HMSD: variants seen among roughly 807,000 people sequenced by gnomAD.
HMSD encodes serpin-like protein HMSD.
In HMSD, 13 loss-of-function variants were observed where a neutral mutation model predicts 10.0. The observed-to-expected ratio is 1.31, with a 90% confidence interval of 0.85 to 2.08. HMSD has a LOEUF of 2.08. Among genes scored for constraint, HMSD ranks in the 30% most tolerant of loss-of-function variants. HMSD has a pLI of 0.00. For synonymous variants in HMSD, 51 were observed against 54.2 expected (o/e 0.94, Z 0.26); for missense variants, 169 against 166.3 (o/e 1.02, Z -0.09).
chr18:63,954,792 C>T (rs555748551), intron 3 of HMSD, among the ~76,000 whole-genome samples: 6 of 152,276 alleles, frequency 3.9e-5, no homozygotes, highest in Non-Finnish European at 8.8e-5. Flanking sequence ...TGACACAGAG[C>T]GTAACACAGT....
chr18:63,958,044 T>C (rs1250035852), intron 3 of HMSD, among the ~76,000 whole-genome samples: 1 of 152,176 alleles, frequency 6.6e-6, no homozygotes, highest in Non-Finnish European at 1.5e-5. Context: ...TCAGATTATT[T>C]TCTTACACTG....
chr18:63,953,495 G>T lies in HMSD; in HGVS notation c.40G>T (p.Ala14Ser). ...SSALAMVFMG[A>S]KGNTAAQMSQ... ...AGCCTTGGCCATGGTTTTCATGGGGGCAAAGGGAAACACTGCAGCTCAGAT... is the reference window on the plus strand; with the variant it reads ...AGCCTTGGCCATGGTTTTCATGGGGTCAAAGGGAAACACTGCAGCTCAGAT... The change falls in exon 2 of 4, where the codon GCA becomes TCA. Residue 14 changes from alanine to serine, a missense_variant. Transcript: ENST00000408945. The T allele has an allele frequency of 1.9e-6, 3 of 1,613,824 alleles. No individual in the cohort carries two copies. Among genetic ancestry groups the T allele is most frequent in the South Asian group, 1.1e-5 (1 of 91,048 alleles).
intron 3 of HMSD, among the ~76,000 whole-genome samples, chr18:63,958,795 A>G (rs1365536221): frequency 6.6e-6 from 1 of 152,098 alleles, no homozygotes; most frequent in Non-Finnish European, 1.5e-5. Context: ...CAACATTTTC[A>G]TCATCCCAGA....
At chr18:63,962,449 G>A (rs902855501), downstream of HMSD, among the ~76,000 whole-genome samples, 6 of 152,158 alleles carry the variant, frequency 3.9e-5, no homozygotes, top group Admixed American at 3.9e-4. Flanking sequence ...TGATTTCTTT[G>A]GCTGTGTTAT....
chr18:63,962,880 G>A (rs1441009387), downstream of HMSD, among the ~76,000 whole-genome samples: 1 of 152,082 alleles, frequency 6.6e-6, no homozygotes, highest in Non-Finnish European at 1.5e-5. Flanking sequence ...CAGAGGACTT[G>A]AGGGAGGTTT....
intron 3 of HMSD, among the ~76,000 whole-genome samples, chr18:63,967,500 C>T (rs565660045): frequency 2.4e-4 from 37 of 152,274 alleles, no homozygotes; most frequent in Middle Eastern, 3.4e-3. Flanking sequence ...CCTCGAATCA[C>T]CCCAGGAAGC....
intron 3 of HMSD, among the ~76,000 whole-genome samples, chr18:63,968,959 C>T (rs1173496133): frequency 1.3e-5 from 2 of 152,216 alleles, no homozygotes; most frequent in Non-Finnish European, 1.5e-5. Flanking sequence ...TTACAAAATA[C>T]TGCTGCTGGG....
At chr18:63,950,375 C>G (rs1271672813) in intron 1 of HMSD, among the ~76,000 whole-genome samples, 1 of 134,104 alleles carries the variant, frequency 7.5e-6, no homozygotes, top group Non-Finnish European at 1.5e-5. Context: ...AAGATTGCAC[C>G]ACTGCACTCC....
At chr18:63,961,946 G>T (rs527905388), downstream of HMSD, 1 of 152,192 alleles carries the variant, frequency 6.6e-6, no homozygotes, top group African/African-American at 2.4e-5. Context: ...CTACAATTCC[G>T]TGAAAGGTCC....
In HMSD at chr18:63,960,371, T is replaced by C; in HGVS notation, c.*16T>C. The C allele has an allele frequency of 6.4e-7, 1 of 1,561,476 alleles. No individual in the cohort carries two copies. The highest frequency in any genetic ancestry group is 8.7e-7 in the Non-Finnish European group (1 of 1,155,588). On this transcript the variant is annotated 3_prime_UTR_variant, in exon 4 of 4. Coordinates refer to ENST00000408945, the MANE Select transcript of HMSD (RefSeq NM_001123366.2). The stretch of plus-strand genomic sequence containing the variant: ...TCAAATATAAAAAGGAGTCCTTTTT[T>C]CTCTAAACAACTATGCAAACATTAA...
chr18:63,963,123 T>TTC (rs1434935293), downstream of HMSD, among the ~76,000 whole-genome samples: 65 of 139,918 alleles, frequency 4.6e-4, 2 homozygotes, highest in African/African-American at 1.7e-3. Flanking sequence ...CTTTCTTTCT[T>TTC]TCTTTCTTTC....
At chr18:63,954,297 A>G (rs911316668) in intron 2 of HMSD, 111 bp from the exon 3 acceptor site, 2 of 756,218 alleles carry the variant, frequency 2.6e-6, no homozygotes, top group African/African-American at 1.8e-5. Context: ...ATCATCTTTT[A>G]AGCTGTAGTA....
chr18:63,953,532 G>A lies in HMSD; in HGVS notation c.72+5G>A, dbSNP rs9945924. On this transcript the variant is annotated splice_donor_5th_base_variant and intron_variant, in intron 2 of 3. Coordinates refer to ENST00000408945, the MANE Select transcript of HMSD (RefSeq NM_001123366.2). ...ACTGCAGCTCAGATGTCTCAGGTAC[G>A]TAAAGCCACTTCAAGACAACAATAA... 352,706 of 1,608,586 alleles carry A rather than the reference G, an allele frequency of 0.22. 41,168 individuals carry two copies. Among genetic ancestry groups the A allele is most frequent in the African/African-American group, 0.39 (29,437 of 74,790 alleles).
downstream of HMSD, among the ~76,000 whole-genome samples, chr18:63,962,409 C>T (rs1029778108): frequency 6.6e-6 from 1 of 152,194 alleles, no homozygotes; most frequent in Non-Finnish European, 1.5e-5. Context: ...GAGTAGGGAC[C>T]AGAAACCTGT....
intron 1 of HMSD, among the ~76,000 whole-genome samples, chr18:63,952,589 A>C (rs2050336913): frequency 6.6e-6 from 1 of 152,142 alleles, no homozygotes; most frequent in Non-Finnish European, 1.5e-5. Context: ...ATTTATATTC[A>C]ATCATGGATT....
At chr18:63,969,355 G>A (rs1406657371) in intron 3 of HMSD, 2 of 152,214 alleles carry the variant, frequency 1.3e-5, no homozygotes, top group Non-Finnish European at 1.5e-5. Context: ...GGTTGGCATG[G>A]ATCAGAACTG....
At position 63,954,416 on chromosome 18, in the gene HMSD, T is replaced by C. The variant is rs1270719256; in HGVS notation, c.81T>C (p.Cys27=). ...NTAAQMSQAL[C]FSKIGGEDGD... is the part of the protein sequence containing the mutation. ...TATTATTTTATTTTCAGGCACTTTG[T>C]TTTAGTAAAATCGGAGGTGAAGATG... The change falls in exon 3 of 4, where the codon TGT becomes TGC. Residue 27 remains cysteine (C), a synonymous_variant. Transcript: ENST00000408945. 2 of 1,611,528 alleles carry C rather than the reference T, an allele frequency of 1.2e-6. No individual in the cohort carries two copies. Among genetic ancestry groups the C allele is most frequent in the Non-Finnish European group, 1.7e-6 (2 of 1,178,362 alleles).
downstream of HMSD, among the ~76,000 whole-genome samples, chr18:63,963,113 CTT>C (rs1327317768): frequency 2.5e-4 from 33 of 132,168 alleles, no homozygotes; most frequent in Non-Finnish European, 1.3e-4. Context: ...TTCTTTCTTT[CTT>C]TCTTTCTTTC....
At chr18:63,968,504 A>C (rs1240645377) in intron 3 of HMSD, 1 of 152,230 alleles carries the variant, frequency 6.6e-6, no homozygotes, top group Non-Finnish European at 1.5e-5. Context: ...GCCTCTTTGC[A>C]CCTGCACGCA....
Sources: allele counts gnomAD v4.1 joint callset (sites outside exome capture counted in the v4.1 genomes callset), GRCh38; gene constraint gnomAD v4.1.1; transcripts MANE v1.5; gene names NCBI Gene and HGNC (gene_info 2026-07-23, HGNC 2026-07-21).